ANXA8: variants seen among roughly 807,000 people sequenced by gnomAD.
ANXA8 encodes VAC-beta.
In ANXA8, 9 loss-of-function variants were observed where a neutral mutation model predicts 26.8. The observed-to-expected ratio is 0.34, with a 90% CI of 0.20 to 0.59. The LOEUF (loss-of-function observed/expected upper bound fraction) is 0.59, where lower values mean the gene tolerates loss of function less well. ANXA8 is among the 20% of genes least tolerant of loss of function. The pLI is 0.84. For missense variants in ANXA8, 83 were observed against 238.5 expected (o/e 0.35, Z 4.29); for synonymous variants, 39 against 94.8 (o/e 0.41, Z 3.42).
the ANXA8 span, among the ~76,000 whole-genome samples, chr10:47,590,727 G>A: frequency 6.9e-6 from 1 of 145,446 alleles, no homozygotes; most frequent in Admixed American, 6.6e-5. Flanking sequence ...GTCATGAGGA[G>A]CATTTCCTTT....
chr10:47,971,358 T>C, the ANXA8 span, among the ~76,000 whole-genome samples: 1 of 151,040 alleles, frequency 6.6e-6, no homozygotes, highest in Non-Finnish European at 1.5e-5. Flanking sequence ...AATGTGAGGA[T>C]CGTGCCCCTT....
chr10:47,762,222 G>C, the ANXA8 span, among the ~76,000 whole-genome samples: 1 of 151,996 alleles, frequency 6.6e-6, no homozygotes, highest in Admixed American at 6.6e-5. Flanking sequence ...TGGACGAGGT[G>C]GGGAGGAAGA....
At chr10:47,522,298 GTAAA>G in the ANXA8 span, among the ~76,000 whole-genome samples, 2 of 145,914 alleles carry the variant, frequency 1.4e-5, no homozygotes, top group Non-Finnish European at 3.0e-5. Context: ...GAACAAGGAG[GTAAA>G]TAAAGTCTGT....
At chr10:47,658,411 G>A in the ANXA8 span, among the ~76,000 whole-genome samples, 26 of 150,598 alleles carry the variant, frequency 1.7e-4, no homozygotes, top group African/African-American at 5.5e-4. Flanking sequence ...CATGTATATA[G>A]GACAGAATTG....
At chr10:47,600,041 G>A in the ANXA8 span, among the ~76,000 whole-genome samples, 4 of 149,734 alleles carry the variant, frequency 2.7e-5, no homozygotes, top group Non-Finnish European at 5.9e-5. Flanking sequence ...TGTCAAGGCA[G>A]AGAAATACAT....
the ANXA8 span, among the ~76,000 whole-genome samples, chr10:47,523,828 C>A: frequency 1.3e-5 from 2 of 149,632 alleles, no homozygotes; most frequent in South Asian, 2.1e-4. Context: ...AGAGACACAA[C>A]AACTGCCTGA....
the ANXA8 span, among the ~76,000 whole-genome samples, chr10:47,575,107 G>A: frequency 1.5e-5 from 2 of 137,918 alleles, no homozygotes; most frequent in Non-Finnish European, 3.1e-5. Flanking sequence ...AGGAGGCTGA[G>A]GCAGGAGAAT....
chr10:47,720,091 GA>G, the ANXA8 span: 15 of 910,088 alleles, frequency 1.6e-5, 1 homozygote, highest in Admixed American at 4.5e-5. Flanking sequence ...CAATTTGATG[GA>G]AAATAATTAT....
the ANXA8 span, among the ~76,000 whole-genome samples, chr10:47,490,089 C>A: frequency 2.0e-5 from 3 of 150,506 alleles, no homozygotes; most frequent in Non-Finnish European, 4.4e-5. Context: ...TGCCAGGTCA[C>A]ACCCCTCTCA....
chr10:47,694,987 C>T, the ANXA8 span, among the ~76,000 whole-genome samples: 1 of 151,810 alleles, frequency 6.6e-6, no homozygotes, highest in African/African-American at 2.4e-5. Context: ...GGGCGGGCTA[C>T]CCATCCCCTC....
chr10:47,589,725 C>T, the ANXA8 span, among the ~76,000 whole-genome samples: 1 of 144,960 alleles, frequency 6.9e-6, no homozygotes, highest in Admixed American at 6.7e-5. Context: ...GAAAAAAATG[C>T]TCCCTAACAG....
chr10:47,948,895 G>A, the ANXA8 span, among the ~76,000 whole-genome samples: 83 of 151,280 alleles, frequency 5.5e-4, no homozygotes, highest in Non-Finnish European at 8.4e-4. Flanking sequence ...AGAACAGACA[G>A]ACTGACTCTC....
chr10:47,702,303 G>C, the ANXA8 span, among the ~76,000 whole-genome samples: 1 of 151,056 alleles, frequency 6.6e-6, no homozygotes, highest in African/African-American at 2.4e-5. Flanking sequence ...GAGCATACCT[G>C]GTGCCCAGAT....
the ANXA8 span, among the ~76,000 whole-genome samples, chr10:47,704,172 G>A: frequency 2.2e-4 from 31 of 142,506 alleles, no homozygotes; most frequent in Non-Finnish European, 2.7e-4. Context: ...TTTAATTAAC[G>A]TTAGTTTCCT....
chr10:47,744,410 G>GCGGGGGGGGGGGT, the ANXA8 span, among the ~76,000 whole-genome samples: 1 of 53,634 alleles, frequency 1.9e-5, no homozygotes, highest in African/African-American at 5.5e-5. Flanking sequence ...AAGGCTCCTG[G>GCGGGGGGGGGGGT]TGGGGGGGGG....
chr10:47,617,820 G>A, the ANXA8 span, among the ~76,000 whole-genome samples: 1 of 143,986 alleles, frequency 6.9e-6, no homozygotes, highest in East Asian at 1.9e-4. Flanking sequence ...TGTCTGCAGT[G>A]ACTATTTGAA....
intron 1 of ANXA8, among the ~76,000 whole-genome samples, chr10:47,480,936 CAG>C (rs1371212954): frequency 0.045 from 5,703 of 125,702 alleles, 71 homozygotes; most frequent in African/African-American, 0.16. Context: ...TGTGAAAATA[CAG>C]AGATTCCAAT....
At chr10:47,694,605 G>C in the ANXA8 span, among the ~76,000 whole-genome samples, 400 of 151,616 alleles carry the variant, frequency 2.6e-3, 11 homozygotes, top group Non-Finnish European at 1.7e-3. Context: ...ATTTTTAGTA[G>C]AGGCAGGGTT....
chr10:47,505,517 T>TTTTAAA, the ANXA8 span, among the ~76,000 whole-genome samples: 1 of 138,718 alleles, frequency 7.2e-6, no homozygotes, highest in Non-Finnish European at 1.6e-5. Flanking sequence ...AAAGAATCCG[T>TTTTAAA]GATTTAACTG....
Sources: gnomAD v4.1 joint callset for allele counts (sites outside exome capture counted in the v4.1 genomes callset) on GRCh38, gnomAD v4.1.1 for gene constraint, MANE v1.5 for transcripts, NCBI Gene and HGNC (gene_info 2026-07-23, HGNC 2026-07-21) for gene names.